ARHGEF38: variants seen among roughly 807,000 people sequenced by gnomAD.
ARHGEF38 encodes Rho guanine nucleotide exchange factor (GEF) 38.
In ARHGEF38, 79 loss-of-function variants were observed where a neutral mutation model predicts 79.9. The observed-to-expected ratio is 0.99, with a 90% CI of 0.82 to 1.19. ARHGEF38 has a LOEUF of 1.19. Among genes scored for constraint, ARHGEF38 ranks in the 50% most tolerant of loss-of-function variants. The pLI is 0.00. For missense variants in ARHGEF38, 962 were observed against 907.2 expected, an observed-to-expected ratio of 1.06 and a Z score of -0.78; for synonymous variants, 366 against 328.3, an observed-to-expected ratio of 1.11 and a Z score of -1.24.
intron 7 of ARHGEF38, among the ~76,000 whole-genome samples, chr4:105,653,400 G>T (rs2110553891): frequency 6.7e-6 from 1 of 148,420 alleles, no homozygotes; most frequent in South Asian, 2.1e-4. Flanking sequence ...TTGGCTCACT[G>T]CACCCTCCGT....
rs973516255 is a variant in ARHGEF38 at position 105,630,783 on chromosome 4, G to A, written c.509-115G>A. On this transcript the variant is annotated intron_variant, in intron 3 of 13. Coordinates refer to ENST00000420470, the MANE Select transcript of ARHGEF38 (RefSeq NM_001242729.2). ...TTTCCACCCTCCCTGAATAACCTGG[G>A]GATAAAGTAGATCCCATCCAAGTTT... is the stretch of plus-strand genomic sequence containing the variant. 4.8e-6 allele frequency: 4 copies of A among 825,306 alleles called. No individual in the cohort carries two copies. In the African/African-American group the frequency reaches 7.1e-5, roughly 15 times the overall value. The allele number at this position is 825,306 out of a possible 1,614,324, so 51.1% of individuals were successfully genotyped here. A position where few individuals can be genotyped will look rare whatever the true frequency, so the allele number is the denominator to read the frequency against.
At chr4:105,580,770 T>C (rs370940042) in intron 1 of ARHGEF38, among the ~76,000 whole-genome samples, 165 of 152,272 alleles carry the variant, frequency 1.1e-3, no homozygotes, top group African/African-American at 3.8e-3. Flanking sequence ...TGGAGTGCAG[T>C]GACACTATTT....
intron 2 of ARHGEF38, among the ~76,000 whole-genome samples, chr4:105,591,137 TA>T (rs143351116): frequency 0.047 from 7,215 of 152,318 alleles, 221 homozygotes; most frequent in Middle Eastern, 0.14. Context: ...CCCATGATTA[TA>T]AAAGCATTGC....
At chr4:105,640,484 A>T (rs908243216) in intron 5 of ARHGEF38, among the ~76,000 whole-genome samples, 7 of 152,014 alleles carry the variant, frequency 4.6e-5, no homozygotes, top group African/African-American at 7.2e-5. Context: ...TATCAATTTC[A>T]TCTCCCCAAA....
chr4:105,638,571 G>A (rs1313709666), intron 5 of ARHGEF38, among the ~76,000 whole-genome samples: 1 of 151,926 alleles, frequency 6.6e-6, no homozygotes, highest in Admixed American at 6.6e-5. Context: ...GCAAAAAAAG[G>A]AAAATAAAAA....
At chr4:105,650,367 C>A (rs780703228) in intron 7 of ARHGEF38, among the ~76,000 whole-genome samples, 84 of 152,250 alleles carry the variant, frequency 5.5e-4, no homozygotes, top group Non-Finnish European at 7.6e-4. Flanking sequence ...TAGCTCTAAC[C>A]ACATCCTTAT....
intron 1 of ARHGEF38, among the ~76,000 whole-genome samples, chr4:105,577,280 G>T (rs1394218490): frequency 4.1e-5 from 5 of 121,840 alleles, no homozygotes; most frequent in African/African-American, 9.7e-5. Flanking sequence ...GTCCCCAGAG[G>T]GTGATGTTCC....
Position 105,589,370 on chromosome 4 carries a change from A to G in ARHGEF38, c.319A>G (p.Lys107Glu). 4 of 1,614,126 alleles carry G rather than the reference A, an allele frequency of 2.5e-6. No homozygotes were observed. Among genetic ancestry groups the G allele is most frequent in the Non-Finnish European group, 3.4e-6 (4 of 1,179,998 alleles). Reference protein sequence around the residue: ...KIIKELIQTEKDYLNDLELCV... With the variant: ...KIIKELIQTEEDYLNDLELCV... Reference sequence around the variant, plus strand: ...CATTAAGGAGCTGATACAGACAGAAAAGGATTATCTCAATGATCTAGAGCT... The same window carrying G: ...CATTAAGGAGCTGATACAGACAGAAGAGGATTATCTCAATGATCTAGAGCT... The change falls in exon 2 of 14, where the codon AAG becomes GAG. Residue 107 changes from lysine to glutamate, a missense_variant. Transcript: ENST00000420470.
In ARHGEF38 at chr4:105,679,892, G is replaced by T; in HGVS notation, c.*1955G>T. 1 of 1,433,460 alleles carries T rather than the reference G, an allele frequency of 7.0e-7. No individual in the cohort carries two copies. Among genetic ancestry groups the T allele is most frequent in the Non-Finnish European group, 9.8e-7 (1 of 1,019,902 alleles). 88.8% of individuals were successfully genotyped at this position (1,433,460 alleles called of 1,614,324 possible). A position where few individuals can be genotyped will look rare whatever the true frequency, so the allele number is the denominator to read the frequency against. ...TACAGGAATGTCCAAACCACGAGGA[G>T]CCACATTGGTTGCCACCAAAACTTT... is the stretch of plus-strand genomic sequence containing the variant. On this transcript the variant is annotated 3_prime_UTR_variant, in exon 14 of 14. Transcript: ENST00000420470.
At chr4:105,595,015 G>A (rs1468191498) in intron 2 of ARHGEF38, among the ~76,000 whole-genome samples, 1 of 152,116 alleles carries the variant, frequency 6.6e-6, no homozygotes, top group Non-Finnish European at 1.5e-5. Context: ...CAATGGAAAG[G>A]GCAAAAAGTG....
intron 3 of ARHGEF38, among the ~76,000 whole-genome samples, chr4:105,629,487 A>G (rs1232485536): frequency 6.6e-6 from 1 of 151,946 alleles, no homozygotes; most frequent in African/African-American, 2.4e-5. Flanking sequence ...GGAAAGAATG[A>G]CTTACTCCTG....
At chr4:105,574,501 G>A (rs1726388893) in intron 1 of ARHGEF38, among the ~76,000 whole-genome samples, 2 of 147,290 alleles carry the variant, frequency 1.4e-5, no homozygotes, top group African/African-American at 5.0e-5. Context: ...AGTGAGCCGA[G>A]ATGGTGCCAT....
chr4:105,557,801 C>A (rs1229362261), intron 1 of ARHGEF38, among the ~76,000 whole-genome samples: 1 of 152,054 alleles, frequency 6.6e-6, no homozygotes, highest in Non-Finnish European at 1.5e-5. Context: ...ACTTAAGCCA[C>A]CTAATCTCTA....
intron 2 of ARHGEF38, among the ~76,000 whole-genome samples, chr4:105,601,014 T>C (rs1727797498): frequency 6.6e-6 from 1 of 152,110 alleles, no homozygotes; most frequent in South Asian, 2.1e-4. Flanking sequence ...CCATCTTTCT[T>C]CCTCTACCCT....
chr4:105,554,043 G>A (rs2110382666), intron 1 of ARHGEF38, among the ~76,000 whole-genome samples: 1 of 151,594 alleles, frequency 6.6e-6, no homozygotes, highest in South Asian at 2.1e-4. Flanking sequence ...AAGTTAATGT[G>A]TAAAAATAAA....
intron 3 of ARHGEF38, among the ~76,000 whole-genome samples, chr4:105,624,893 A>T (rs1277226090): frequency 1.3e-5 from 2 of 152,218 alleles, no homozygotes. Context: ...TGTGTCACTC[A>T]GGGAAATGAC....
At chr4:105,672,955 T>C (rs1005595160) in intron 13 of ARHGEF38, among the ~76,000 whole-genome samples, 1 of 152,296 alleles carries the variant, frequency 6.6e-6, no homozygotes, top group African/African-American at 2.4e-5. Flanking sequence ...AGTCAGTAGG[T>C]GAGCATCTCT....
At chr4:105,599,571 C>G (rs187027561) in intron 2 of ARHGEF38, among the ~76,000 whole-genome samples, 5 of 152,060 alleles carry the variant, frequency 3.3e-5, no homozygotes, top group Admixed American at 2.6e-4. Context: ...GTAGAATAAG[C>G]GACAAAATTT....
chr4:105,555,651 C>T (rs1421075635), intron 1 of ARHGEF38, among the ~76,000 whole-genome samples: 1 of 152,134 alleles, frequency 6.6e-6, no homozygotes, highest in Non-Finnish European at 1.5e-5. Context: ...CTTTCAAATA[C>T]TGGAATTTCT....
Sources: allele counts gnomAD v4.1 joint callset (sites outside exome capture counted in the v4.1 genomes callset), GRCh38; gene constraint gnomAD v4.1.1; transcripts MANE v1.5; gene names NCBI Gene and HGNC (gene_info 2026-07-23, HGNC 2026-07-21).